CCDC102B: variants seen among roughly 807,000 people sequenced by gnomAD.
CCDC102B encodes coiled-coil domain-containing protein 102B.
In CCDC102B, 75 loss-of-function variants were observed where a neutral mutation model predicts 57.4. That is an observed-to-expected ratio of 1.31 (90% CI 1.08 to 1.58). The LOEUF (loss-of-function observed/expected upper bound fraction) is 1.58, where lower values mean the gene tolerates loss of function less well. Among genes scored for constraint, CCDC102B ranks in the 40% most tolerant of loss-of-function variants. The probability of loss-of-function intolerance (pLI) is 0.00; values close to 1 mark genes in which losing one functional copy is unlikely to be tolerated. For missense variants in CCDC102B, 636 were observed against 582.6 expected, an observed-to-expected ratio of 1.09 and a Z score of -0.94; for synonymous variants, 206 against 201.9, an observed-to-expected ratio of 1.02 and a Z score of -0.17.
At chr18:68,997,449 T>C (rs9947877) in intron 6 of CCDC102B, among the ~76,000 whole-genome samples, 130,436 of 151,942 alleles carry the variant, frequency 0.86, 57,914 homozygotes, top group Non-Finnish European at 0.97. Context: ...TACCGATAAG[T>C]GTTCTGGCAA....
chr18:69,021,187 G>A (rs2051823607), intron 7 of CCDC102B, among the ~76,000 whole-genome samples: 2 of 152,068 alleles, frequency 1.3e-5, no homozygotes, highest in South Asian at 2.1e-4. Context: ...GTTAATATCC[G>A]GTTTTTAAAC....
intron 6 of CCDC102B, among the ~76,000 whole-genome samples, chr18:68,976,744 T>G (rs1235375518): frequency 2.0e-5 from 3 of 152,060 alleles, no homozygotes; most frequent in Non-Finnish European, 4.4e-5. Flanking sequence ...ATATTGTTAC[T>G]TTAGTGTAGT....
intron 6 of CCDC102B, among the ~76,000 whole-genome samples, chr18:68,983,775 TA>T (rs1418170239): frequency 6.6e-6 from 1 of 152,072 alleles, no homozygotes; most frequent in Admixed American, 6.6e-5. Flanking sequence ...ATTTACAGAA[TA>T]AAGTTAATTT....
intron 6 of CCDC102B, among the ~76,000 whole-genome samples, chr18:68,950,331 C>T (rs1177292852): frequency 6.6e-5 from 10 of 152,052 alleles, no homozygotes; most frequent in Admixed American, 5.2e-4. Context: ...AATCTACAGG[C>T]ATTCAATATT....
intron 7 of CCDC102B, among the ~76,000 whole-genome samples, chr18:69,036,257 T>G (rs1599880024): frequency 6.6e-6 from 1 of 152,138 alleles, no homozygotes; most frequent in African/African-American, 2.4e-5. Context: ...AATATCTTTT[T>G]AGCTGAAATC....
chr18:69,019,627 G>A (rs2051770079), intron 7 of CCDC102B, among the ~76,000 whole-genome samples: 1 of 151,986 alleles, frequency 6.6e-6, no homozygotes, highest in African/African-American at 2.4e-5. Context: ...AGTTTTTGGT[G>A]GAGTCTGTAG....
intron 2 of CCDC102B, among the ~76,000 whole-genome samples, chr18:68,757,887 C>CTT: frequency 6.6e-6 from 1 of 151,656 alleles, no homozygotes; most frequent in South Asian, 2.1e-4. Flanking sequence ...TTGGAAGCTC[C>CTT]AACTGGGAAT....
chr18:68,935,664 T>C (rs937318926), intron 6 of CCDC102B, among the ~76,000 whole-genome samples: 1 of 151,916 alleles, frequency 6.6e-6, no homozygotes, highest in African/African-American at 2.4e-5. Flanking sequence ...TGAACACGAA[T>C]TGATAGAAAA....
At chr18:68,792,085 T>A (rs1180434560) in intron 2 of CCDC102B, among the ~76,000 whole-genome samples, 1 of 152,162 alleles carries the variant, frequency 6.6e-6, no homozygotes, top group East Asian at 1.9e-4. Flanking sequence ...AGAAGCTGAG[T>A]ACATCCTACT....
chr18:68,936,747 AT>A (rs1475878122), intron 6 of CCDC102B, among the ~76,000 whole-genome samples: 1 of 27,496 alleles, frequency 3.6e-5, no homozygotes, highest in Non-Finnish European at 1.7e-4. Context: ...GACAACTTTC[AT>A]ATATATATAT....
At chr18:68,903,046 C>T (rs940480766) in intron 6 of CCDC102B, among the ~76,000 whole-genome samples, 4 of 151,978 alleles carry the variant, frequency 2.6e-5, no homozygotes, top group African/African-American at 7.3e-5. Flanking sequence ...TGTGCATCGT[C>T]GTACTAAAAA....
intron 6 of CCDC102B, among the ~76,000 whole-genome samples, chr18:69,000,463 A>G (rs536285920): frequency 1.3e-5 from 2 of 152,304 alleles, no homozygotes; most frequent in African/African-American, 2.4e-5. Context: ...TAGTGATATG[A>G]CTATATACGT....
chr18:68,746,820 G>A (rs942794906), intron 2 of CCDC102B, among the ~76,000 whole-genome samples: 2 of 151,184 alleles, frequency 1.3e-5, no homozygotes, highest in African/African-American at 4.9e-5. Context: ...TTATAATTTT[G>A]GACATATAGA....
chr18:69,023,780 A>T (rs1403630244), intron 7 of CCDC102B, among the ~76,000 whole-genome samples: 1 of 152,034 alleles, frequency 6.6e-6, no homozygotes, highest in Non-Finnish European at 1.5e-5. Flanking sequence ...CACCATGATA[A>T]TAAAACTGAT....
At chr18:68,981,359 G>C (rs766563010) in intron 6 of CCDC102B, among the ~76,000 whole-genome samples, 1 of 152,004 alleles carries the variant, frequency 6.6e-6, no homozygotes, top group Non-Finnish European at 1.5e-5. Flanking sequence ...GGACTAATCT[G>C]CCCTCATGCT....
At chr18:68,836,697 GTA>G in intron 1 of CCDC102B, 50 bp from the exon 2 acceptor site, 1 of 1,205,754 alleles carries the variant, frequency 8.3e-7, no homozygotes. Context: ...TCTTGTTCCT[GTA>G]TTTACAAGGG....
chr18:69,045,731 A>AT (rs1262105768), intron 7 of CCDC102B, among the ~76,000 whole-genome samples: 2 of 151,954 alleles, frequency 1.3e-5, no homozygotes, highest in Admixed American at 6.6e-5. Context: ...TACAATAGGT[A>AT]TTTTTTCTGT....
At chr18:68,836,497 G>T (rs374686105) in intron 1 of CCDC102B, among the ~76,000 whole-genome samples, 1 of 151,750 alleles carries the variant, frequency 6.6e-6, no homozygotes, top group South Asian at 2.1e-4. Context: ...GCGTGGTTGC[G>T]CATGCCTGTA....
intron 2 of CCDC102B, among the ~76,000 whole-genome samples, chr18:68,763,514 C>A (rs1224979198): frequency 6.6e-6 from 1 of 152,070 alleles, no homozygotes; most frequent in Non-Finnish European, 1.5e-5. Flanking sequence ...AATAGCATGA[C>A]AACCTAATCT....
Sources: allele counts gnomAD v4.1 joint callset (sites outside exome capture counted in the v4.1 genomes callset), GRCh38; gene constraint gnomAD v4.1.1; transcripts MANE v1.5; gene names NCBI Gene and HGNC (gene_info 2026-07-23, HGNC 2026-07-21).